Variants in GDF5 observed in about 807,000 individuals in gnomAD.
GDF5 encodes growth differentiation factor 5, also known as growth/differentiation factor 5.
Under a neutral mutation model 34.6 loss-of-function variants are expected in GDF5, and 17 were observed. That is an observed-to-expected ratio of 0.49 (90% CI 0.34 to 0.74). The LOEUF (loss-of-function observed/expected upper bound fraction) is 0.74, where lower values mean the gene tolerates loss of function less well. Ranked by LOEUF, GDF5 falls within the 30% of genes least tolerant of loss-of-function variation. GDF5 has a pLI of 0.01. For synonymous variants in GDF5, 332 were observed against 290.7 expected (o/e 1.14, Z -1.44); for missense variants, 616 against 661.2 (o/e 0.93, Z 0.75).
upstream of GDF5, among the ~76,000 whole-genome samples, chr20:35,443,106 C>T (rs2062503324): frequency 6.6e-6 from 1 of 152,114 alleles, no homozygotes; most frequent in Admixed American, 6.6e-5. Context: ...CAGAAATGGG[C>T]TGGGAGCAGG....
At chr20:35,446,160 A>C (rs974645854) in intron 1 of GDF5, among the ~76,000 whole-genome samples, 3 of 151,306 alleles carry the variant, frequency 2.0e-5, no homozygotes, top group Non-Finnish European at 4.4e-5. Context: ...ATACAAAAAA[A>C]ATAGCTGAAT....
chr20:35,446,239 G>A (rs1184383569), intron 1 of GDF5, among the ~76,000 whole-genome samples: 1 of 151,384 alleles, frequency 6.6e-6, no homozygotes, highest in African/African-American at 2.4e-5. Flanking sequence ...GAACCCAGGA[G>A]GCAGAGGTTG....
chr20:35,437,894 C>A lies in GDF5; in HGVS notation c.35G>T (p.Trp12Leu), dbSNP rs776550586. 3.7e-6 allele frequency: 6 copies of A among 1,614,026 alleles called. No homozygotes were observed. In the Admixed American group the frequency reaches 1.0e-4, roughly 27 times the overall value. ...TTCCAGGTCCAGCCAAGCCAGGTAC[C>A]AAAGCAAGAAAGTGAGGAGTTTGGG... ...RLPKLLTFLL[W>L]YLAWLDLEFI... is the part of the protein sequence containing the mutation. Residue 12 changes from tryptophan (W) to leucine (L), a missense_variant, in exon 1 of 2, where the codon TGG (tryptophan) becomes TTG (leucine). By Grantham distance (61) the Trp-to-Leu change is moderately conservative. Coordinates refer to ENST00000374369, the MANE Select transcript of GDF5 (RefSeq NM_000557.5).
Position 35,434,593 on chromosome 20 carries a change from C to T in GDF5, c.822G>A (p.Pro274=), listed in dbSNP as rs762159417. 5.0e-6 allele frequency: 8 copies of T among 1,587,112 alleles called. No individual in the cohort carries two copies. The highest frequency in any genetic ancestry group is 2.3e-5 in the South Asian group (2 of 88,032). ...CGGAGCGCACATCCAGCAAGGCGGC[C>T]GGCTGCCGGCCGCTGGGGCAGCTGG... ...KLSSCPSGRQ[P]AALLDVRSVP... Residue 274 remains proline, a synonymous_variant, in exon 2 of 2, where the codon CCG becomes CCA. Coordinates refer to ENST00000374369, the MANE Select transcript of GDF5 (RefSeq NM_000557.5).
upstream of GDF5, among the ~76,000 whole-genome samples, chr20:35,441,755 T>C (rs2062498653): frequency 6.6e-6 from 1 of 151,966 alleles, no homozygotes; most frequent in Admixed American, 6.6e-5. Context: ...ACCCGGCCAA[T>C]AATAGCTATT....
At chr20:35,447,057 A>T (rs552687595) in intron 1 of GDF5, among the ~76,000 whole-genome samples, 38 of 151,840 alleles carry the variant, frequency 2.5e-4, no homozygotes, top group South Asian at 1.0e-3. Context: ...TGTTTTTTTA[A>T]AATTTTTTTA....
At chr20:35,441,772 A>G (rs866122882), upstream of GDF5, among the ~76,000 whole-genome samples, 9 of 151,988 alleles carry the variant, frequency 5.9e-5, no homozygotes, top group Non-Finnish European at 1.0e-4. Flanking sequence ...TATTTTTTTT[A>G]AAGCACTTAT....
chr20:35,451,571 GTTTTTTTTTCC>G (rs1289648661), intron 1 of GDF5, among the ~76,000 whole-genome samples: 3 of 143,306 alleles, frequency 2.1e-5, no homozygotes, highest in African/African-American at 7.9e-5. Flanking sequence ...TTTTTTTTCT[GTTTTTTTTTCC>G]TTTTTTTTTT....
At chr20:35,453,516 C>T (rs1025245910) in intron 1 of GDF5, among the ~76,000 whole-genome samples, 8 of 152,162 alleles carry the variant, frequency 5.3e-5, no homozygotes, top group African/African-American at 1.9e-4. Context: ...AACATTCAAG[C>T]ACAATGCCTG....
intron 1 of GDF5, chr20:35,453,870 C>G: frequency 1.9e-6 from 1 of 532,854 alleles, no homozygotes; most frequent in South Asian, 1.4e-5. Context: ...TTGTACCAGG[C>G]CTTGTGCTGA....
intron 1 of GDF5, among the ~76,000 whole-genome samples, chr20:35,451,706 T>A (rs545026965): frequency 1.4e-4 from 22 of 152,052 alleles, no homozygotes; most frequent in African/African-American, 2.9e-4. Context: ...CTCATTTTTT[T>A]ATTTTTTTGT....
At chr20:35,441,763 A>AT (rs540451815), upstream of GDF5, among the ~76,000 whole-genome samples, 46 of 151,750 alleles carry the variant, frequency 3.0e-4, no homozygotes, top group South Asian at 9.1e-3. Context: ...AATAATAGCT[A>AT]TTTTTTTTAA....
At chr20:35,445,645 C>G (rs958202347) in intron 1 of GDF5, among the ~76,000 whole-genome samples, 1 of 150,768 alleles carries the variant, frequency 6.6e-6, no homozygotes, top group Non-Finnish European at 1.5e-5. Flanking sequence ...GTCTGGGCGA[C>G]GGGGTGAGAC....
At chr20:35,449,317 C>A (rs1173743382) in intron 1 of GDF5, among the ~76,000 whole-genome samples, 1 of 151,876 alleles carries the variant, frequency 6.6e-6, no homozygotes, top group African/African-American at 2.4e-5. Flanking sequence ...GCTGTGTTGC[C>A]CAGGTTGGAG....
chr20:35,447,836 A>G (rs1474539967), intron 1 of GDF5, among the ~76,000 whole-genome samples: 3 of 152,118 alleles, frequency 2.0e-5, no homozygotes, highest in Non-Finnish European at 4.4e-5. Context: ...TTTATTAGGC[A>G]GGGCACGGTG....
intron 1 of GDF5, among the ~76,000 whole-genome samples, chr20:35,445,670 C>CA (rs2062511510): frequency 6.9e-6 from 1 of 145,156 alleles, no homozygotes; most frequent in Non-Finnish European, 1.5e-5. Context: ...TCTCAAAAAA[C>CA]AAAAAAATAA....
At chr20:35,446,628 TTTTG>T (rs2062515028) in intron 1 of GDF5, among the ~76,000 whole-genome samples, 2 of 152,076 alleles carry the variant, frequency 1.3e-5, no homozygotes, top group Admixed American at 6.6e-5. Flanking sequence ...TTTTGTTTTG[TTTTG>T]TTTTTTTAAA....
intron 1 of GDF5, among the ~76,000 whole-genome samples, chr20:35,451,054 A>ATATATATATATATATATATATAT (rs2062530183): frequency 4.3e-4 from 21 of 49,136 alleles, no homozygotes; most frequent in South Asian, 6.6e-4. Flanking sequence ...AAAAAAAAAA[A>ATATATATATATATATATATATAT]AAAAAAAAAA....
At chr20:35,435,450 TAAAAAAAAAAAAAAAAAAAAAAAAAA>T (rs398035630) in intron 1 of GDF5, 6 of 26,976 alleles carry the variant, frequency 2.2e-4, no homozygotes, top group East Asian at 1.4e-3. Flanking sequence ...AGACCCTGGC[TAAAAAAAAAAAAAAAAAAAAAAAAAA>T]AAAAAAAAAA....
Sources: allele counts gnomAD v4.1 joint callset (sites outside exome capture counted in the v4.1 genomes callset), GRCh38; gene constraint gnomAD v4.1.1; transcripts MANE v1.5; gene names NCBI Gene and HGNC (gene_info 2026-07-23, HGNC 2026-07-21).